PRKD1: variants seen among roughly 807,000 people sequenced by gnomAD.
PRKD1 encodes serine/threonine-protein kinase D1.
Under a neutral mutation model 95.9 loss-of-function variants are expected in PRKD1, and 63 were observed. The observed-to-expected ratio is 0.66, with a 90% CI of 0.54 to 0.81. The LOEUF (loss-of-function observed/expected upper bound fraction) is 0.81, where lower values mean the gene tolerates loss of function less well. Among genes scored for constraint, PRKD1 ranks in the 30% least tolerant of loss-of-function variants. The pLI is 0.00. For missense variants in PRKD1, 1,048 were observed against 1,165.3 expected, an observed-to-expected ratio of 0.90 and a Z score of 1.47; for synonymous variants, 425 against 423.1, an observed-to-expected ratio of 1.00 and a Z score of -0.05.
chr14:29,601,542 C>A (rs756401795), intron 13 of PRKD1, among the ~76,000 whole-genome samples: 8 of 93,930 alleles, frequency 8.5e-5, no homozygotes, highest in Non-Finnish European at 1.9e-4. Context: ...TTCGAATAGA[C>A]CTCACCTCCC....
chr14:29,623,755 T>A (rs45609934), intron 13 of PRKD1, among the ~76,000 whole-genome samples: 121 of 152,282 alleles, frequency 7.9e-4, no homozygotes, highest in African/African-American at 2.9e-3. Flanking sequence ...TTCTCAGACA[T>A]AGCTCACTCC....
At chr14:29,836,181 C>G (rs1234304728) in intron 1 of PRKD1, among the ~76,000 whole-genome samples, 1 of 152,116 alleles carries the variant, frequency 6.6e-6, no homozygotes, top group African/African-American at 2.4e-5. Flanking sequence ...AATACAGCTA[C>G]CCAACTGCAA....
intron 2 of PRKD1, among the ~76,000 whole-genome samples, chr14:29,693,399 A>C (rs1594434156): frequency 6.6e-6 from 1 of 152,040 alleles, no homozygotes; most frequent in African/African-American, 2.4e-5. Context: ...AGGCGTAAAA[A>C]ATGTAAATTT....
intron 1 of PRKD1, among the ~76,000 whole-genome samples, chr14:29,832,873 C>T (rs780945624): frequency 5.9e-5 from 9 of 151,964 alleles, no homozygotes; most frequent in East Asian, 1.9e-4. Context: ...TTATTAATGG[C>T]CCCATTTGTG....
rs1893479818 is a variant in PRKD1, at chr14:29,600,565, C to G, written c.1906-748G>C. On this transcript the variant is annotated intron_variant, in intron 13 of 17. Coordinates refer to ENST00000331968, the MANE Select transcript of PRKD1 (RefSeq NM_002742.3). ...GTGAGTATTGAAAATACCGTGTTCA[C>G]CGGATCCAAAAACCTGAGGATGAGG... Among the ~76,000 whole-genome samples the G allele has an allele frequency of 3.3e-5, 5 of 152,102 alleles. No homozygotes were observed. In the South Asian group the frequency reaches 1.0e-3, roughly 31 times the overall value.
At chr14:29,898,874 T>C (rs1363186927) in intron 1 of PRKD1, among the ~76,000 whole-genome samples, 1 of 152,196 alleles carries the variant, frequency 6.6e-6, no homozygotes, top group Non-Finnish European at 1.5e-5. Flanking sequence ...AACCATTTAA[T>C]ATTAAAGACT....
chr14:29,921,955 G>T (rs1203212695), intron 1 of PRKD1, among the ~76,000 whole-genome samples: 1 of 152,196 alleles, frequency 6.6e-6, no homozygotes, highest in East Asian at 1.9e-4. Context: ...TAACTTCACA[G>T]TCTCACAGGA....
intron 1 of PRKD1, among the ~76,000 whole-genome samples, chr14:29,733,575 A>G (rs1886563058): frequency 6.6e-6 from 1 of 152,176 alleles, no homozygotes; most frequent in Admixed American, 6.5e-5. Flanking sequence ...CAATCACGGT[A>G]AAGGTGAAGG....
chr14:29,733,995 TTCA>T (rs1205796147), intron 1 of PRKD1, among the ~76,000 whole-genome samples: 1 of 151,422 alleles, frequency 6.6e-6, no homozygotes, highest in Non-Finnish European at 1.5e-5. Context: ...CCATTAACTG[TTCA>T]CATTCTGGTT....
At chr14:29,713,239 C>T (rs1368725122) in intron 2 of PRKD1, among the ~76,000 whole-genome samples, 2 of 152,128 alleles carry the variant, frequency 1.3e-5, no homozygotes, top group South Asian at 2.1e-4. Flanking sequence ...AAAAGAGCAT[C>T]TATCCACATA....
At chr14:29,904,049 A>G (rs1356133951) in intron 1 of PRKD1, among the ~76,000 whole-genome samples, 1 of 152,184 alleles carries the variant, frequency 6.6e-6, no homozygotes, top group Non-Finnish European at 1.5e-5. Flanking sequence ...AACATTTGGC[A>G]ACATAAGAAA....
intron 1 of PRKD1, among the ~76,000 whole-genome samples, chr14:29,792,971 T>G (rs1889613484): frequency 6.6e-6 from 1 of 151,968 alleles, no homozygotes. Flanking sequence ...AAAGCATACA[T>G]GGAAATGTAA....
At position 29,898,703 on chromosome 14, in the gene PRKD1, T is replaced by A. The variant is rs1894216179; in HGVS notation, c.264+28546A>T. On this transcript the variant is annotated intron_variant, in intron 1 of 17. Transcript: ENST00000331968. ...TGTTCTTGTTGGTGTTGTTTTTAAT[T>A]GAGCTGGTTGCGAATTTGACTAAAT... Among the ~76,000 whole-genome samples the A allele has an allele frequency of 4.6e-5, 7 of 152,178 alleles. No individual in the cohort carries two copies. The South Asian group carries it at 1.4e-3, about 31-fold the overall frequency.
At chr14:29,750,235 T>G (rs944931427) in intron 1 of PRKD1, among the ~76,000 whole-genome samples, 1 of 152,190 alleles carries the variant, frequency 6.6e-6, no homozygotes, top group African/African-American at 2.4e-5. Flanking sequence ...AGCTCCAAAT[T>G]ATATACAGTA....
At chr14:29,744,066 T>G (rs1016699391) in intron 1 of PRKD1, among the ~76,000 whole-genome samples, 3 of 152,176 alleles carry the variant, frequency 2.0e-5, no homozygotes, top group Non-Finnish European at 4.4e-5. Flanking sequence ...TCATCCAGTC[T>G]CCAGACTTTA....
At chr14:29,776,235 C>A (rs1043962216) in intron 1 of PRKD1, among the ~76,000 whole-genome samples, 1 of 152,132 alleles carries the variant, frequency 6.6e-6, no homozygotes, top group Non-Finnish European at 1.5e-5. Context: ...AAAATCAGAG[C>A]GCCTCTTCTC....
intron 1 of PRKD1, among the ~76,000 whole-genome samples, chr14:29,831,253 G>C (rs917972299): frequency 6.6e-6 from 1 of 151,958 alleles, no homozygotes; most frequent in Non-Finnish European, 1.5e-5. Flanking sequence ...TACAAAATAG[G>C]CCTAAAGCTA....
intron 1 of PRKD1, among the ~76,000 whole-genome samples, chr14:29,836,059 A>T (rs908210739): frequency 5.3e-5 from 8 of 152,228 alleles, no homozygotes. Context: ...GTCTCCCCAG[A>T]TGAGACAATC....
At chr14:29,910,424 G>T (rs531170154) in intron 1 of PRKD1, among the ~76,000 whole-genome samples, 4 of 152,108 alleles carry the variant, frequency 2.6e-5, no homozygotes, top group Non-Finnish European at 4.4e-5. Context: ...CTCAACGCGA[G>T]GGTCCGTGGC....
Sources: gnomAD v4.1 joint callset for allele counts (sites outside exome capture counted in the v4.1 genomes callset) on GRCh38, gnomAD v4.1.1 for gene constraint, MANE v1.5 for transcripts, NCBI Gene and HGNC (gene_info 2026-07-23, HGNC 2026-07-21) for gene names.